The following TMEM232 variants were observed in gnomAD, a reference collection of about 807,000 sequenced individuals.
The protein encoded by TMEM232 is transmembrane protein 232.
Under a neutral mutation model 78.8 loss-of-function variants are expected in TMEM232, and 80 were observed. That is an observed-to-expected ratio of 1.01 (90% CI 0.85 to 1.22). The LOEUF is 1.22. Ranked by LOEUF, TMEM232 falls within the 50% of genes most tolerant of loss-of-function variation. TMEM232 has a pLI of 0.00. For synonymous variants in TMEM232, 297 were observed against 254.3 expected (o/e 1.17, Z -1.60); for missense variants, 881 against 742.2 (o/e 1.19, Z -2.17).
At chr5:110,441,513 A>C (rs1313641580) in intron 12 of TMEM232, among the ~76,000 whole-genome samples, 2 of 152,176 alleles carry the variant, frequency 1.3e-5, no homozygotes, top group Non-Finnish European at 2.9e-5. Context: ...CCTAGAACTC[A>C]TGCCCTTGTG....
chr5:110,600,043 A>T (rs746897172), intron 10 of TMEM232, among the ~76,000 whole-genome samples: 1 of 152,196 alleles, frequency 6.6e-6, no homozygotes, highest in Non-Finnish European at 1.5e-5. Context: ...AAAACTCAAC[A>T]ACCTGCTCCT....
intron 2 of TMEM232, among the ~76,000 whole-genome samples, chr5:110,661,398 A>T (rs1482295902): frequency 7.2e-6 from 1 of 138,362 alleles, no homozygotes; most frequent in Non-Finnish European, 1.5e-5. Flanking sequence ...GGCAATCTCT[A>T]CCTCTAGGTC....
At chr5:110,622,335 G>A (rs1013014749) in intron 7 of TMEM232, among the ~76,000 whole-genome samples, 7 of 152,156 alleles carry the variant, frequency 4.6e-5, no homozygotes, top group Non-Finnish European at 8.8e-5. Flanking sequence ...TTGTACTTCA[G>A]AACAGATGAA....
rs756039290 is a variant in TMEM232 at position 110,524,363 on chromosome 5, AAAAGAAAGAAAGAAAGAAAG to A, written c.1703+4205_1703+4224del. 2.3e-3 allele frequency among the ~76,000 whole-genome samples: 274 copies of A among 120,358 alleles called. 3 individuals carry two copies. Among genetic ancestry groups the A allele is most frequent in the African/African-American group, 6.4e-3 (196 of 30,678 alleles). 79.0% of individuals were successfully genotyped at this position (120,358 alleles called of 152,430 possible). ...AAAGAAAGAGAAAGAAAGAAAGAAA[AAAAGAAAGAAAGAAAGAAAG>A]AAAGAAAGAAAGAAAGAAAGAAAGA... On this transcript the variant is annotated intron_variant, in intron 12 of 13. Transcript: ENST00000455884.
At chr5:110,690,012 A>G (rs911959289) in intron 1 of TMEM232, among the ~76,000 whole-genome samples, 4 of 152,226 alleles carry the variant, frequency 2.6e-5, no homozygotes, top group African/African-American at 9.7e-5. Context: ...CTTAAATGTA[A>G]AACCTAAAAC....
chr5:110,437,748 G>T lies in TMEM232; in HGVS notation c.1704-12832C>A, dbSNP rs138767425. Among the ~76,000 whole-genome samples the T allele has an allele frequency of 4.7e-3, 719 of 152,082 alleles. 4 individuals carry two copies. The highest frequency in any genetic ancestry group is 7.8e-3 in the Non-Finnish European group (527 of 67,966). On this transcript the variant is annotated intron_variant, in intron 12 of 13. Coordinates refer to ENST00000455884, the MANE Select transcript of TMEM232 (RefSeq NM_001039763.4). Reference sequence around the variant, plus strand: ...ATAACTGCATAATTACCAAGAACAAGAGCTACAAAGGCACTTTTGTATAGG... The same window carrying T: ...ATAACTGCATAATTACCAAGAACAATAGCTACAAAGGCACTTTTGTATAGG...
intron 11 of TMEM232, among the ~76,000 whole-genome samples, chr5:110,538,283 C>G (rs1299711591): frequency 6.6e-6 from 1 of 152,092 alleles, no homozygotes; most frequent in Non-Finnish European, 1.5e-5. Flanking sequence ...CCACCACGGA[C>G]ATTAGACTTA....
chr5:110,652,294 G>GCGCACACACACACACACACACACACACA (rs1554069154), intron 2 of TMEM232, among the ~76,000 whole-genome samples: 2 of 145,452 alleles, frequency 1.4e-5, no homozygotes, highest in Admixed American at 6.9e-5. Context: ...GCACGCGCGC[G>GCGCACACACACACACACACACACACACA]CACACACACA....
chr5:110,710,385 A>T (rs1796347209), intron 1 of TMEM232, among the ~76,000 whole-genome samples: 2 of 152,206 alleles, frequency 1.3e-5, no homozygotes, highest in South Asian at 2.1e-4. Context: ...ATATCTCTAA[A>T]CTCATTCTAT....
intron 12 of TMEM232, among the ~76,000 whole-genome samples, chr5:110,484,211 T>A (rs1396228101): frequency 6.6e-6 from 1 of 152,080 alleles, no homozygotes; most frequent in Non-Finnish European, 1.5e-5. Flanking sequence ...CTATGCTCAC[T>A]ACCCAAATGA....
chr5:110,527,687 A>G (rs1770792855), intron 12 of TMEM232, among the ~76,000 whole-genome samples: 1 of 151,956 alleles, frequency 6.6e-6, no homozygotes, highest in Non-Finnish European at 1.5e-5. Context: ...CAAAATCAAA[A>G]TCAGTGTGCA....
intron 12 of TMEM232, among the ~76,000 whole-genome samples, chr5:110,497,115 A>G (rs987170188): frequency 2.6e-5 from 4 of 151,938 alleles, no homozygotes; most frequent in Non-Finnish European, 5.9e-5. Flanking sequence ...AAATCAATAA[A>G]CGTTCCATAC....
At chr5:110,454,490 G>A (rs1166948044) in intron 12 of TMEM232, among the ~76,000 whole-genome samples, 1 of 151,318 alleles carries the variant, frequency 6.6e-6, no homozygotes, top group East Asian at 1.9e-4. Flanking sequence ...GCAAGACTCT[G>A]TCTCTAAGGA....
intron 13 of TMEM232, among the ~76,000 whole-genome samples, chr5:110,421,744 G>C (rs1310507486): frequency 1.2e-4 from 19 of 152,108 alleles, no homozygotes. Flanking sequence ...CTAAACATCA[G>C]AGTCCATAGC....
chr5:110,392,158 T>A (rs949337290), intron 3 of TMEM232, among the ~76,000 whole-genome samples: 1 of 152,200 alleles, frequency 6.6e-6, no homozygotes, highest in Non-Finnish European at 1.5e-5. Flanking sequence ...GGTGGCATGA[T>A]CAACTTGGGG....
chr5:110,556,407 G>A (rs73222656), intron 11 of TMEM232, among the ~76,000 whole-genome samples: 2,740 of 148,620 alleles, frequency 0.018, 102 homozygotes, highest in African/African-American at 0.065. Flanking sequence ...CTTTCTTTCA[G>A]GAGGGCATCC....
At position 110,587,687 on chromosome 5, in the gene TMEM232, ATATATGTGTGTGTGTG is replaced by A. The variant is rs1473589499; in HGVS notation, c.1276+17406_1276+17421del. On this transcript the variant is annotated intron_variant, in intron 10 of 13. Transcript: ENST00000455884. ...TGTATATATATATATATATATATAT[ATATATGTGTGTGTGTG>A]TGTGTGTGTGTGTGTGTGTGTGTGT... is the stretch of plus-strand genomic sequence containing the variant. 5.2e-3 allele frequency among the ~76,000 whole-genome samples: 403 copies of A among 78,134 alleles called. 2 individuals carry two copies. The highest frequency in any genetic ancestry group is 0.022 in the African/African-American group (289 of 12,894). 51.3% of individuals were successfully genotyped at this position (78,134 alleles called of 152,430 possible).
upstream of TMEM232, chr5:110,738,259 C>A: frequency 7.8e-7 from 1 of 1,285,856 alleles, no homozygotes; most frequent in Non-Finnish European, 1.0e-6. Context: ...TAGTAGGGGA[C>A]GCTCTACAGT....
intron 12 of TMEM232, among the ~76,000 whole-genome samples, chr5:110,506,263 AG>A (rs764295417): frequency 6.6e-5 from 10 of 151,996 alleles, no homozygotes; most frequent in Admixed American, 1.3e-4. Flanking sequence ...GTTTTGTTTT[AG>A]GGGGTTGTTT....
Sources: gnomAD v4.1 joint callset for allele counts (sites outside exome capture counted in the v4.1 genomes callset) on GRCh38, gnomAD v4.1.1 for gene constraint, MANE v1.5 for transcripts, NCBI Gene and HGNC (gene_info 2026-07-23, HGNC 2026-07-21) for gene names.